The following SLC30A9 variants were observed in gnomAD, a reference collection of about 807,000 sequenced individuals.
SLC30A9 encodes the protein solute carrier family 30 member 9, also known as proton-coupled zinc antiporter SLC30A9, mitochondrial.
SLC30A9 carries 58 observed loss-of-function variants against 87.5 expected under a neutral mutation model. That is an observed-to-expected ratio of 0.66 (90% CI 0.54 to 0.82). The LOEUF is 0.82. SLC30A9 is among the 40% of genes least tolerant of loss of function. The probability of loss-of-function intolerance (pLI) is 0.00; values close to 1 mark genes in which losing one functional copy is unlikely to be tolerated. For synonymous variants in SLC30A9, 234 were observed against 233.0 expected, an observed-to-expected ratio of 1.00 and a Z score of -0.04; for missense variants, 557 against 679.1, an observed-to-expected ratio of 0.82 and a Z score of 2.00.
At chr4:42,004,657 T>C (rs938247393) in intron 2 of SLC30A9, among the ~76,000 whole-genome samples, 4 of 61,306 alleles carry the variant, frequency 6.5e-5, no homozygotes, top group Admixed American at 5.4e-4. Context: ...CTTTTTTTTT[T>C]CTTTTTCTTT....
At chr4:42,054,954 T>C (rs913599152) in intron 9 of SLC30A9, among the ~76,000 whole-genome samples, 3 of 152,212 alleles carry the variant, frequency 2.0e-5, no homozygotes, top group African/African-American at 7.2e-5. Context: ...GGAGTAGATA[T>C]GGATGAAATA....
At chr4:42,042,604 C>T (rs2153137759) in intron 8 of SLC30A9, among the ~76,000 whole-genome samples, 1 of 152,326 alleles carries the variant, frequency 6.6e-6, no homozygotes, top group Admixed American at 6.5e-5. Context: ...ACTCTCATCT[C>T]TCTGGGACAG....
chr4:42,001,160 C>G (rs913392928), intron 1 of SLC30A9, among the ~76,000 whole-genome samples: 6 of 151,946 alleles, frequency 3.9e-5, no homozygotes, highest in African/African-American at 1.4e-4. Context: ...ATTAAAAAAT[C>G]GGTGACAGTA....
intron 1 of SLC30A9, among the ~76,000 whole-genome samples, chr4:41,991,448 G>C (rs551830862): frequency 1.3e-5 from 2 of 152,270 alleles, no homozygotes; most frequent in South Asian, 2.1e-4. Flanking sequence ...AATTTAAATG[G>C]TTTGAGAGTT....
chr4:42,033,630 C>T (rs1366687704), intron 6 of SLC30A9, among the ~76,000 whole-genome samples: 3 of 152,024 alleles, frequency 2.0e-5, no homozygotes, highest in Non-Finnish European at 4.4e-5. Context: ...GGCTGGAGTG[C>T]AGTGGCACGA....
intron 6 of SLC30A9, among the ~76,000 whole-genome samples, chr4:42,025,732 C>A (rs1365593514): frequency 1.3e-5 from 2 of 151,932 alleles, no homozygotes; most frequent in African/African-American, 4.8e-5. Context: ...GTGGCGCAAT[C>A]TCAGCTCACT....
chr4:42,065,333 AT>A lies in SLC30A9; in HGVS notation c.1058del (p.Leu353Ter). 12 of 1,372,554 alleles carry A rather than the reference AT, an allele frequency of 8.7e-6. No individual in the cohort carries two copies. Among genetic ancestry groups the A allele is most frequent in the Non-Finnish European group, 1.2e-5 (12 of 963,330 alleles). 85.0% of individuals were successfully genotyped at this position (1,372,554 alleles called of 1,614,324 possible). A position where few individuals can be genotyped will look rare whatever the true frequency, so the allele number is the denominator to read the frequency against. ...AGGCATATTGTATTTTAGCAGGATC[AT>A]TAGTATCTGAAGGAGGTATGTACTG... ...LWAYCILAGS[L>X]VSEGATLLVA... On this transcript the variant is annotated frameshift_variant, in exon 12 of 18. Coordinates refer to ENST00000264451, the MANE Select transcript of SLC30A9 (RefSeq NM_006345.4). LOFTEE classifies it high-confidence loss of function.
chr4:42,079,895 C>T (rs994144341), intron 17 of SLC30A9, among the ~76,000 whole-genome samples: 4 of 151,974 alleles, frequency 2.6e-5, no homozygotes, highest in Non-Finnish European at 5.9e-5. Context: ...GGATTACAAG[C>T]GTGAGCCACC....
intron 6 of SLC30A9, among the ~76,000 whole-genome samples, chr4:42,030,858 G>A (rs1200760026): frequency 6.6e-6 from 1 of 152,144 alleles, no homozygotes; most frequent in African/African-American, 2.4e-5. Context: ...AGCTGTGTCT[G>A]AGATCTGGAT....
At chr4:42,000,273 A>G (rs1714923571) in intron 1 of SLC30A9, among the ~76,000 whole-genome samples, 1 of 152,142 alleles carries the variant, frequency 6.6e-6, no homozygotes, top group Non-Finnish European at 1.5e-5. Flanking sequence ...GTCAGGTAAT[A>G]ATTACAGAAG....
chr4:41,990,722 G>T lies in SLC30A9; in HGVS notation c.71G>T (p.Arg24Leu), dbSNP rs1371027337. Residue 24 changes from arginine to leucine, a missense_variant, in exon 1 of 18, where the codon CGA becomes CTA. This residue lies in a region of SLC30A9 where 467 missense variants were observed against 529.8 expected (regional missense o/e 0.88). Coordinates refer to ENST00000264451, the MANE Select transcript of SLC30A9 (RefSeq NM_006345.4). ...TCCTCCCTGTGCCGGCTCCGTCTGC[G>T]ATGCAGGGCGGCGGCCTGTAATCCC... ...SWSSLCRLRL[R>L]CRAAACNPSD... The T allele has an allele frequency of 2.5e-6, 4 of 1,611,684 alleles. No individual in the cohort carries two copies. Among genetic ancestry groups the T allele is most frequent in the Non-Finnish European group, 3.4e-6 (4 of 1,179,326 alleles).
At chr4:41,991,371 G>A (rs569540455) in intron 1 of SLC30A9, among the ~76,000 whole-genome samples, 1 of 152,340 alleles carries the variant, frequency 6.6e-6, no homozygotes, top group Non-Finnish European at 1.5e-5. Context: ...GGCAGTTGTA[G>A]TGGTAACCCA....
intron 11 of SLC30A9, among the ~76,000 whole-genome samples, chr4:42,064,124 C>T (rs1717983295): frequency 6.6e-6 from 1 of 152,166 alleles, no homozygotes; most frequent in African/African-American, 2.4e-5. Flanking sequence ...CCGGGGGACA[C>T]ACATCAAGGC....
chr4:42,049,844 A>T (rs1376289005), intron 9 of SLC30A9, among the ~76,000 whole-genome samples: 1 of 152,162 alleles, frequency 6.6e-6, no homozygotes, highest in African/African-American at 2.4e-5. Flanking sequence ...TCATAATTTG[A>T]ATTACTTTCC....
intron 6 of SLC30A9, among the ~76,000 whole-genome samples, chr4:42,032,132 G>A (rs1233413626): frequency 6.6e-6 from 1 of 152,068 alleles, no homozygotes; most frequent in Non-Finnish European, 1.5e-5. Context: ...TCATGAGAAC[G>A]AACTCACCAG....
chr4:42,030,177 A>G, intron 6 of SLC30A9: 2 of 647,568 alleles, frequency 3.1e-6, no homozygotes, highest in Non-Finnish European at 4.5e-6. Flanking sequence ...AAAAAGATAC[A>G]AAAGCCTGTT....
At chr4:42,005,134 C>CT (rs1341330847) in intron 2 of SLC30A9, among the ~76,000 whole-genome samples, 1 of 152,082 alleles carries the variant, frequency 6.6e-6, no homozygotes, top group Non-Finnish European at 1.5e-5. Context: ...CTTTTCTTCC[C>CT]TTTTTTGCTC....
intron 2 of SLC30A9, among the ~76,000 whole-genome samples, chr4:42,013,558 G>A (rs532672218): frequency 6.6e-6 from 1 of 152,158 alleles, no homozygotes; most frequent in East Asian, 1.9e-4. Flanking sequence ...ATAAACCAAT[G>A]GAACAGAATA....
chr4:42,033,066 AT>A (rs1473242779), intron 6 of SLC30A9, among the ~76,000 whole-genome samples: 29 of 152,148 alleles, frequency 1.9e-4, no homozygotes, highest in Non-Finnish European at 3.8e-4. Context: ...GTATAGTTCA[AT>A]TTCTGTGTGT....
Sources: allele counts gnomAD v4.1 joint callset (sites outside exome capture counted in the v4.1 genomes callset), GRCh38; gene constraint gnomAD v4.1.1; regional missense constraint gnomAD v4.1.1; transcripts MANE v1.5; gene names NCBI Gene and HGNC (gene_info 2026-07-23, HGNC 2026-07-21).